The following NELL1 variants were observed in gnomAD, a reference collection of about 807,000 sequenced individuals.
NELL1 encodes neural EGFL like 1.
In NELL1, 76 loss-of-function variants were observed where a neutral mutation model predicts 107.4. The observed-to-expected ratio is 0.71, with a 90% CI of 0.59 to 0.86. The LOEUF (loss-of-function observed/expected upper bound fraction) is 0.86, where lower values mean the gene tolerates loss of function less well. NELL1 is among the 40% of genes least tolerant of loss of function. The pLI is 0.00. For synonymous variants in NELL1, 353 were observed against 341.2 expected (o/e 1.03, Z -0.38); for missense variants, 1,024 against 1,005.5 (o/e 1.02, Z -0.25).
chr11:21,388,914 T>C (rs892740595), intron 15 of NELL1, among the ~76,000 whole-genome samples: 1 of 151,880 alleles, frequency 6.6e-6, no homozygotes, highest in East Asian at 1.9e-4. Context: ...TGTATACCTA[T>C]AGATCCTTCC....
chr11:21,101,794 G>C (rs192546441), intron 12 of NELL1, among the ~76,000 whole-genome samples: 220 of 152,280 alleles, frequency 1.4e-3, no homozygotes, highest in Non-Finnish European at 2.6e-3. Flanking sequence ...TAGGTTGCCT[G>C]TTCACTCTGA....
intron 15 of NELL1, among the ~76,000 whole-genome samples, chr11:21,509,187 T>C (rs1855372425): frequency 6.6e-6 from 1 of 152,156 alleles, no homozygotes. Context: ...TCACACCCAC[T>C]GTAGTGGCAA....
At chr11:21,192,852 C>G (rs1030746685) in intron 13 of NELL1, among the ~76,000 whole-genome samples, 2 of 151,956 alleles carry the variant, frequency 1.3e-5, no homozygotes, top group East Asian at 3.9e-4. Flanking sequence ...TTTCAACTCC[C>G]CACTGGGGCA....
chr11:21,539,974 G>A (rs1856251211), intron 16 of NELL1, among the ~76,000 whole-genome samples: 1 of 151,866 alleles, frequency 6.6e-6, no homozygotes, highest in Non-Finnish European at 1.5e-5. Flanking sequence ...CACACATCCT[G>A]AAGATTCATA....
At chr11:21,302,190 T>G (rs1278354776) in intron 14 of NELL1, among the ~76,000 whole-genome samples, 5 of 152,060 alleles carry the variant, frequency 3.3e-5, no homozygotes, top group African/African-American at 7.2e-5. Flanking sequence ...CTGTTCCATA[T>G]GTTGTTGACT....
chr11:21,540,475 C>T (rs185335199), intron 16 of NELL1, among the ~76,000 whole-genome samples: 101 of 152,112 alleles, frequency 6.6e-4, no homozygotes, highest in Admixed American at 1.6e-3. Flanking sequence ...AGTCTGTTCT[C>T]GCACTACTAT....
intron 5 of NELL1, among the ~76,000 whole-genome samples, chr11:20,913,484 T>G (rs901258815): frequency 3.9e-5 from 6 of 152,150 alleles, no homozygotes; most frequent in African/African-American, 1.4e-4. Flanking sequence ...TCTAATTTTT[T>G]AATTGCATCT....
chr11:21,488,196 A>G (rs987903532), intron 15 of NELL1, among the ~76,000 whole-genome samples: 6 of 152,172 alleles, frequency 3.9e-5, no homozygotes, highest in Non-Finnish European at 7.4e-5. Flanking sequence ...TTTACAGAAC[A>G]TTTTATTGAA....
At chr11:20,789,581 T>C (rs1857035842) in intron 3 of NELL1, among the ~76,000 whole-genome samples, 1 of 152,230 alleles carries the variant, frequency 6.6e-6, no homozygotes, top group Admixed American at 6.5e-5. Flanking sequence ...AGGAGAATGT[T>C]TCAGTCCTGT....
chr11:21,322,231 AC>A (rs1850027719), intron 14 of NELL1, among the ~76,000 whole-genome samples: 1 of 152,116 alleles, frequency 6.6e-6, no homozygotes, highest in Admixed American at 6.6e-5. Flanking sequence ...GAGTTAAAAG[AC>A]CCTGCTTCAT....
chr11:20,727,844 G>A (rs1207129555), intron 2 of NELL1, among the ~76,000 whole-genome samples: 3 of 152,046 alleles, frequency 2.0e-5, no homozygotes, highest in African/African-American at 7.2e-5. Context: ...AACCTCAAAT[G>A]GTAGTTTTGT....
At chr11:20,749,155 T>C (rs1484086511) in intron 2 of NELL1, among the ~76,000 whole-genome samples, 2 of 152,134 alleles carry the variant, frequency 1.3e-5, no homozygotes, top group African/African-American at 2.4e-5. Context: ...GATAATTCTT[T>C]GTACAGTTAG....
intron 14 of NELL1, among the ~76,000 whole-genome samples, chr11:21,336,941 G>T (rs1441384008): frequency 1.3e-5 from 2 of 151,984 alleles, no homozygotes; most frequent in African/African-American, 2.4e-5. Flanking sequence ...GGTTGAATTT[G>T]AGACCAATTT....
intron 3 of NELL1, among the ~76,000 whole-genome samples, chr11:20,788,544 A>G (rs1413514542): frequency 1.3e-5 from 2 of 151,202 alleles, no homozygotes; most frequent in African/African-American, 4.9e-5. Flanking sequence ...ATTTAATTGG[A>G]TTCTTTGTCT....
At chr11:21,331,739 C>G (rs1423938490) in intron 14 of NELL1, among the ~76,000 whole-genome samples, 1 of 152,078 alleles carries the variant, frequency 6.6e-6, no homozygotes, top group Non-Finnish European at 1.5e-5. Flanking sequence ...GTTCTAACCA[C>G]AGGAGGTCTC....
rs182230087 is a variant in NELL1 at position 20,738,097 on chromosome 11, T to C, written c.185-45583T>C. On this transcript the variant is annotated intron_variant, in intron 2 of 19. Coordinates refer to ENST00000357134, the MANE Select transcript of NELL1 (RefSeq NM_006157.5). Reference sequence around the variant, plus strand: ...TCATCTATGACACAGTGTGAGAAAATGTAGCATAGAAGATTGTAAGATCAC... The same window carrying C: ...TCATCTATGACACAGTGTGAGAAAACGTAGCATAGAAGATTGTAAGATCAC... 6.6e-5 allele frequency among the ~76,000 whole-genome samples: 10 copies of C among 151,964 alleles called. No individual in the cohort carries two copies. In the East Asian group the frequency reaches 1.9e-3, roughly 29 times the overall value.
At chr11:20,934,785 G>C (rs1260316097) in intron 9 of NELL1, among the ~76,000 whole-genome samples, 3 of 152,188 alleles carry the variant, frequency 2.0e-5, no homozygotes, top group African/African-American at 7.2e-5. Context: ...GACCTTGGAG[G>C]TGTGGTCTCT....
At chr11:21,329,223 T>A (rs962826530) in intron 14 of NELL1, among the ~76,000 whole-genome samples, 1 of 151,784 alleles carries the variant, frequency 6.6e-6, no homozygotes, top group African/African-American at 2.4e-5. Context: ...TGAGGGCAGT[T>A]ACCCTCATGC....
intron 17 of NELL1, among the ~76,000 whole-genome samples, chr11:21,561,792 T>A (rs1856856211): frequency 6.6e-6 from 1 of 152,076 alleles, no homozygotes. Context: ...AAGTGACTGG[T>A]GAGACATTCC....
Sources: allele counts gnomAD v4.1 joint callset (sites outside exome capture counted in the v4.1 genomes callset), GRCh38; gene constraint gnomAD v4.1.1; transcripts MANE v1.5; gene names NCBI Gene and HGNC (gene_info 2026-07-23, HGNC 2026-07-21).